Variants in TRIP11 observed in about 807,000 individuals in gnomAD.
TRIP11 encodes thyroid receptor-interacting protein 11.
In TRIP11, 148 loss-of-function variants were observed where a neutral mutation model predicts 223.1. The ratio of observed to expected loss-of-function variants is 0.66; its 90% CI spans 0.58 to 0.76. TRIP11 has a LOEUF of 0.76. TRIP11 is among the 30% of genes least tolerant of loss of function. The probability of loss-of-function intolerance (pLI) is 0.00; values close to 1 mark genes in which losing one functional copy is unlikely to be tolerated. For synonymous variants in TRIP11, 762 were observed against 772.6 expected (o/e 0.99, Z 0.23); for missense variants, 2,043 against 2,222.0 (o/e 0.92, Z 1.62).
intron 7 of TRIP11, among the ~76,000 whole-genome samples, chr14:92,013,775 G>A (rs542438304): frequency 6.6e-6 from 1 of 152,234 alleles, no homozygotes; most frequent in South Asian, 2.1e-4. Context: ...ATTTACTGGT[G>A]TTTGGCCTAT....
At chr14:92,018,931 A>G (rs2057072714) in intron 4 of TRIP11, among the ~76,000 whole-genome samples, 1 of 140,206 alleles carries the variant, frequency 7.1e-6, no homozygotes, top group Non-Finnish European at 1.5e-5. Flanking sequence ...ACTGCACTCC[A>G]GCCTGGTAGA....
chr14:92,031,539 T>C (rs543096370), intron 2 of TRIP11, among the ~76,000 whole-genome samples: 19 of 152,316 alleles, frequency 1.2e-4, no homozygotes, highest in African/African-American at 4.3e-4. Context: ...ACTGTGCCAC[T>C]GTATTCCAGC....
At position 91,969,429 on chromosome 14, in the gene TRIP11, A is replaced by T; in HGVS notation, c.*244T>A. ...TTTTTGTAAATTAAGGTAAAAGATA[A>T]ATTAAATGTTCCTAGCTTAAATTAG... On this transcript the variant is annotated 3_prime_UTR_variant, in exon 21 of 21. Coordinates refer to ENST00000267622, the MANE Select transcript of TRIP11 (RefSeq NM_004239.4). 2.0e-6 allele frequency: 1 copy of T among 509,800 alleles called. No individual in the cohort carries two copies. Among genetic ancestry groups the T allele is most frequent in the South Asian group, 2.6e-5 (1 of 38,980 alleles). The allele number at this position is 509,800 out of a possible 1,614,324, so 31.6% of individuals were successfully genotyped here. A position where few individuals can be genotyped will look rare whatever the true frequency, so the allele number is the denominator to read the frequency against.
intron 20 of TRIP11, among the ~76,000 whole-genome samples, chr14:91,972,008 T>C (rs2140079704): frequency 6.6e-6 from 1 of 152,312 alleles, no homozygotes; most frequent in Admixed American, 6.5e-5. Context: ...TCAGAAGAGC[T>C]CTTCCAATAA....
Position 91,976,129 on chromosome 14 carries a change from C to T in TRIP11, c.5321G>A (p.Ser1774Asn). Residue 1774 changes from serine (S) to asparagine (N), a missense_variant, in exon 17 of 21, where the codon AGC (serine) becomes AAC (asparagine). Physicochemically the swap from Ser to Asn is conservative, Grantham distance 46. Coordinates refer to ENST00000267622, the MANE Select transcript of TRIP11 (RefSeq NM_004239.4). Reference sequence around the variant, plus strand: ...ATACTTGTCTACTTTTCCTTCTGAGCTGTTTGCTAAGCTCATCAATTTCTT... The same window carrying T: ...ATACTTGTCTACTTTTCCTTCTGAGTTGTTTGCTAAGCTCATCAATTTCTT... ...VQKKLMSLAN[S>N]SEGKVDKVLM... 6.2e-7 allele frequency: 1 copy of T among 1,612,368 alleles called. No homozygotes were observed. Among genetic ancestry groups the T allele is most frequent in the Non-Finnish European group, 8.5e-7 (1 of 1,179,760 alleles).
intron 20 of TRIP11, among the ~76,000 whole-genome samples, chr14:91,970,898 C>T (rs374104573): frequency 1.3e-5 from 2 of 152,154 alleles, no homozygotes; most frequent in Non-Finnish European, 2.9e-5. Flanking sequence ...TAAGGAGTTA[C>T]GTTCTCCCCA....
At chr14:92,018,993 TCA>T (rs1372072194) in intron 4 of TRIP11, among the ~76,000 whole-genome samples, 9 of 150,742 alleles carry the variant, frequency 6.0e-5, no homozygotes, top group African/African-American at 2.2e-4. Context: ...AAAAAAACTT[TCA>T]GTTTCCTTAT....
intron 8 of TRIP11, among the ~76,000 whole-genome samples, chr14:92,011,483 C>CAAAA (rs200967942): frequency 1.6e-4 from 7 of 42,454 alleles, no homozygotes; most frequent in Non-Finnish European, 1.8e-4. Context: ...GACTCCGTCT[C>CAAAA]AAAAAAAAAA....
intron 4 of TRIP11, 90 bp from the exon 5 acceptor site, chr14:92,017,840 T>C: frequency 8.6e-7 from 1 of 1,163,540 alleles, no homozygotes; most frequent in Non-Finnish European, 1.3e-6. Flanking sequence ...AGAATACTTT[T>C]GTAAAAAGGG....
chr14:92,039,789 C>G lies in TRIP11; in HGVS notation c.-104G>C. Reference sequence around the variant, plus strand: ...TCCTTGAACGCCTGCCTTCGCGAGACAGGATACGATAACACAAAGCTGGGT... The same window carrying G: ...TCCTTGAACGCCTGCCTTCGCGAGAGAGGATACGATAACACAAAGCTGGGT... On this transcript the variant is annotated 5_prime_UTR_variant, in exon 1 of 21. Transcript: ENST00000267622. 1.3e-6 allele frequency: 2 copies of G among 1,549,704 alleles called. No individual in the cohort carries two copies. Among genetic ancestry groups the G allele is most frequent in the South Asian group, 2.4e-5 (2 of 83,756 alleles).
chr14:91,994,016 T>C, intron 14 of TRIP11, 104 bp from the exon 15 acceptor site: 1 of 839,264 alleles, frequency 1.2e-6, no homozygotes, highest in Non-Finnish European at 2.0e-6. Context: ...AGTTCAAATG[T>C]CTCAAACAGA....
chr14:91,982,664 C>T (rs984217357), intron 16 of TRIP11, among the ~76,000 whole-genome samples: 1 of 152,138 alleles, frequency 6.6e-6, no homozygotes, highest in Non-Finnish European at 1.5e-5. Flanking sequence ...TTGCAGATAT[C>T]CAGGGTCTCT....
chr14:92,003,375 C>T (rs200388616), intron 11 of TRIP11, 44 bp downstream of exon 11: 2 of 1,608,224 alleles, frequency 1.2e-6, no homozygotes, highest in East Asian at 2.2e-5. Context: ...AAAAAGTCTC[C>T]TCCACCCCCA....
In TRIP11 at chr14:91,969,680, T is replaced by G. The variant is rs772345820; in HGVS notation, c.5933A>C (p.Lys1978Thr). ...SAGVVLKDLL[K>T]Q ...CTCTGGCTTGAGAATCATCTATTGC[T>G]TTAAAAGGTCTTTCAGCACAACCCC... Residue 1978 changes from lysine (K) to threonine (T), a missense_variant, in exon 21 of 21, where the codon AAG (lysine) becomes ACG (threonine). By Grantham distance (78) the Lys-to-Thr change is moderately conservative. Transcript: ENST00000267622. 6.2e-6 allele frequency: 10 copies of G among 1,612,292 alleles called. No individual in the cohort carries two copies. The highest frequency in any genetic ancestry group is 7.6e-6 in the Non-Finnish European group (9 of 1,180,030).
chr14:92,011,414 C>G (rs1490423216), intron 8 of TRIP11, among the ~76,000 whole-genome samples: 1 of 136,988 alleles, frequency 7.3e-6, no homozygotes, highest in Non-Finnish European at 1.5e-5. Context: ...TCGCTTGAAC[C>G]TGGGAGGTGG....
Position 92,005,532 on chromosome 14 carries a change from A to G in TRIP11, c.2444T>C (p.Ile815Thr). 1 of 1,611,118 alleles carries G rather than the reference A, an allele frequency of 6.2e-7. No homozygotes were observed. The highest frequency in any genetic ancestry group is 8.5e-7 in the Non-Finnish European group (1 of 1,179,486). ...QLTQLINKKE[I>T]FIEKLKERSS... is the part of the protein sequence containing the mutation. The stretch of plus-strand genomic sequence containing the variant: ...TCTTTCTTTAAGCTTTTCAATAAAA[A>G]TTTCTTTCTTGTTTATAAGTTGTGT... Residue 815 changes from isoleucine (I) to threonine (T), a missense_variant, in exon 11 of 21, where the codon ATT becomes ACT. Coordinates refer to ENST00000267622, the MANE Select transcript of TRIP11 (RefSeq NM_004239.4).
At chr14:92,026,575 G>A (rs1374920641) in intron 2 of TRIP11, 9 of 1,279,400 alleles carry the variant, frequency 7.0e-6, no homozygotes, top group South Asian at 2.4e-5. Flanking sequence ...CATGTCAGAC[G>A]CAGCCGTGGA....
At position 91,995,500 on chromosome 14, in the gene TRIP11, C is replaced by G. The variant is rs1171749537; in HGVS notation, c.4908G>C (p.Val1636=). The G allele has an allele frequency of 1.9e-6, 3 of 1,614,138 alleles. No individual in the cohort carries two copies. Among genetic ancestry groups the G allele is most frequent in the Non-Finnish European group, 2.5e-6 (3 of 1,180,002 alleles). Residue 1636 remains valine (V), a synonymous_variant, in exon 14 of 21, where the codon GTG becomes GTC. Coordinates refer to ENST00000267622, the MANE Select transcript of TRIP11 (RefSeq NM_004239.4). ...ACTGTTCTTGCAATGACTCTACCTG[C>G]ACACTGGCTTGATGGCTTCAAACAA... The part of the protein sequence containing the change: ...AMENASHQAS[V]QVESLQEQLN...
chr14:91,992,824 G>C (rs910959205), intron 15 of TRIP11, among the ~76,000 whole-genome samples: 1 of 146,446 alleles, frequency 6.8e-6, no homozygotes, highest in Non-Finnish European at 1.5e-5. Flanking sequence ...CAGGAGAAAG[G>C]CGTGAACCCA....
Sources: gnomAD v4.1 joint callset for allele counts (sites outside exome capture counted in the v4.1 genomes callset) on GRCh38, gnomAD v4.1.1 for gene constraint, MANE v1.5 for transcripts, NCBI Gene and HGNC (gene_info 2026-07-23, HGNC 2026-07-21) for gene names.